PLCE1: variants seen among roughly 807,000 people sequenced by gnomAD.
PLCE1 encodes 1-phosphatidylinositol 4,5-bisphosphate phosphodiesterase epsilon-1.
A neutral mutation model predicts 242.8 loss-of-function variants in PLCE1; 119 were observed. The ratio of observed to expected loss-of-function variants is 0.49; its 90% CI spans 0.42 to 0.57. The LOEUF (loss-of-function observed/expected upper bound fraction) is 0.57. PLCE1 is among the 20% of genes least tolerant of loss of function. The pLI is 0.00. For synonymous variants in PLCE1, 945 were observed against 1,017.4 expected (o/e 0.93, Z 1.35); for missense variants, 2,441 against 2,788.8 (o/e 0.88, Z 2.81).
At chr10:94,140,392 A>G (rs1320030453) in intron 3 of PLCE1, among the ~76,000 whole-genome samples, 1 of 143,430 alleles carries the variant, frequency 7.0e-6, no homozygotes, top group Non-Finnish European at 1.5e-5. Flanking sequence ...AAAAAAAAAA[A>G]GTTAACCAGG....
intron 28 of PLCE1, among the ~76,000 whole-genome samples, chr10:94,313,900 G>A (rs753054073): frequency 3.3e-5 from 5 of 152,152 alleles, no homozygotes; most frequent in Non-Finnish European, 4.4e-5. Flanking sequence ...TCCTTTGCAT[G>A]TTGAGCAGCC....
At chr10:94,264,556 C>G in intron 14 of PLCE1, among the ~76,000 whole-genome samples, 1 of 114,496 alleles carries the variant, frequency 8.7e-6, no homozygotes, top group South Asian at 3.1e-4. Flanking sequence ...GAGTCTTGCT[C>G]TGTCACCCAG....
intron 2 of PLCE1, among the ~76,000 whole-genome samples, chr10:94,093,933 TC>T (rs2045185028): frequency 1.4e-5 from 2 of 139,312 alleles, no homozygotes; most frequent in Non-Finnish European, 3.0e-5. Flanking sequence ...AATCGGTATT[TC>T]TTTTTTTTTT....
At chr10:94,017,522 A>G (rs1398768719) in intron 1 of PLCE1, among the ~76,000 whole-genome samples, 1 of 152,172 alleles carries the variant, frequency 6.6e-6, no homozygotes, top group Non-Finnish European at 1.5e-5. Flanking sequence ...TTGGGCATCC[A>G]CCCAGAATTT....
intron 7 of PLCE1, among the ~76,000 whole-genome samples, chr10:94,239,204 T>C (rs1471844466): frequency 6.6e-6 from 1 of 152,242 alleles, no homozygotes; most frequent in African/African-American, 2.4e-5. Flanking sequence ...ATGGTTTGGC[T>C]GTGCCTCCAG....
intron 2 of PLCE1, among the ~76,000 whole-genome samples, chr10:94,058,620 A>G (rs2043967283): frequency 6.6e-6 from 1 of 152,090 alleles, no homozygotes; most frequent in Non-Finnish European, 1.5e-5. Context: ...AGCAGAGTTG[A>G]GTGGGTCATC....
intron 1 of PLCE1, among the ~76,000 whole-genome samples, chr10:94,005,546 C>T (rs1438047969): frequency 6.6e-6 from 1 of 152,152 alleles, no homozygotes; most frequent in African/African-American, 2.4e-5. Flanking sequence ...TAAGGACTTC[C>T]ACCTCTGTGA....
At chr10:94,287,732 G>GA (rs1309580528) in intron 22 of PLCE1, among the ~76,000 whole-genome samples, 173 of 145,018 alleles carry the variant, frequency 1.2e-3, no homozygotes, top group Non-Finnish European at 1.9e-3. Flanking sequence ...CCTTCTAATA[G>GA]AAAAAAAAAA....
At chr10:94,260,638 TC>T (rs1223509210) in intron 13 of PLCE1, among the ~76,000 whole-genome samples, 2 of 151,582 alleles carry the variant, frequency 1.3e-5, no homozygotes, top group African/African-American at 4.8e-5. Flanking sequence ...TTATTATTTA[TC>T]ATGATTTTCA....
In PLCE1 at chr10:94,259,519, C is replaced by T. The variant is rs144896301; in HGVS notation, c.3814+369C>T. 9.6e-3 allele frequency among the ~76,000 whole-genome samples: 1,459 copies of T among 152,226 alleles called. 27 individuals are homozygous for T. The highest frequency in any genetic ancestry group is 0.032 in the African/African-American group (1,319 of 41,530). The stretch of plus-strand genomic sequence containing the variant: ...CAGAATGGTCTCGATCTCCTGACCT[C>T]GTGATCTGCCACCTCAGCCTCCCAA... On this transcript the variant is annotated intron_variant, in intron 13 of 32. Coordinates refer to ENST00000371380, the MANE Select transcript of PLCE1 (RefSeq NM_016341.4).
chr10:94,177,812 CA>C (rs1322810581), intron 4 of PLCE1, among the ~76,000 whole-genome samples: 49 of 152,196 alleles, frequency 3.2e-4, no homozygotes, highest in South Asian at 6.2e-4. Context: ...ACAATTTTAC[CA>C]AAAAGATTAC....
chr10:94,015,898 A>G (rs1261262050), intron 1 of PLCE1, among the ~76,000 whole-genome samples: 2 of 152,216 alleles, frequency 1.3e-5, no homozygotes, highest in African/African-American at 2.4e-5. Context: ...AATTAGGCCA[A>G]TTAGAGTAGT....
chr10:94,160,530 G>C (rs2047575958), intron 3 of PLCE1, among the ~76,000 whole-genome samples: 1 of 152,154 alleles, frequency 6.6e-6, no homozygotes, highest in African/African-American at 2.4e-5. Context: ...CCCTTTGTCA[G>C]ATGAGTAGAT....
chr10:94,059,489 C>T (rs1317578454), intron 2 of PLCE1, among the ~76,000 whole-genome samples: 18 of 151,894 alleles, frequency 1.2e-4, no homozygotes, highest in Non-Finnish European at 1.0e-4. Context: ...GTTGATGATA[C>T]GGGGAGGGGG....
chr10:94,236,234 T>G, intron 7 of PLCE1, 114 bp downstream of exon 7: 1 of 798,706 alleles, frequency 1.3e-6, no homozygotes, highest in Non-Finnish European at 2.1e-6. Context: ...ACCTGCCACT[T>G]TTATCATTAA....
chr10:94,060,476 T>C (rs2044017897), intron 2 of PLCE1, among the ~76,000 whole-genome samples: 1 of 152,124 alleles, frequency 6.6e-6, no homozygotes, highest in Admixed American at 6.6e-5. Context: ...TTGCTGTAAA[T>C]GTCTGTTTCT....
chr10:94,015,955 A>C (rs570877852), intron 1 of PLCE1, among the ~76,000 whole-genome samples: 2 of 152,318 alleles, frequency 1.3e-5, no homozygotes, highest in South Asian at 4.2e-4. Context: ...TGGGTGTTAA[A>C]AATTATTTGT....
chr10:94,043,072 G>T (rs553617534), intron 2 of PLCE1, among the ~76,000 whole-genome samples: 1 of 152,306 alleles, frequency 6.6e-6, no homozygotes, highest in East Asian at 1.9e-4. Flanking sequence ...TTGTGAGGCG[G>T]TAGGAAAAAG....
intron 10 of PLCE1, 93 bp from the exon 11 acceptor site, chr10:94,254,800 C>T: frequency 1.4e-6 from 2 of 1,401,346 alleles, no homozygotes; most frequent in Non-Finnish European, 2.0e-6. Flanking sequence ...GGTTGATTTG[C>T]TCAGACATCC....
Sources: gnomAD v4.1 joint callset for allele counts (sites outside exome capture counted in the v4.1 genomes callset) on GRCh38, gnomAD v4.1.1 for gene constraint, MANE v1.5 for transcripts, NCBI Gene and HGNC (gene_info 2026-07-23, HGNC 2026-07-21) for gene names.